Variants in LAMA1 observed in about 807,000 individuals in gnomAD.
LAMA1 encodes laminin subunit alpha-1.
In LAMA1, 219 loss-of-function variants were observed where a neutral mutation model predicts 348.7. That is an observed-to-expected ratio of 0.63 (90% confidence interval 0.56 to 0.70). The LOEUF is 0.70. Ranked by LOEUF, LAMA1 falls within the 30% of genes least tolerant of loss-of-function variation. The pLI is 0.00. For missense variants in LAMA1, 3,744 were observed against 3,888.0 expected, an observed-to-expected ratio of 0.96 and a Z score of 0.99; for synonymous variants, 1,487 against 1,491.0, an observed-to-expected ratio of 1.00 and a Z score of 0.06.
intron 22 of LAMA1, among the ~76,000 whole-genome samples, 183 bp from the exon 23 acceptor site, chr18:7,014,234 G>A (rs1250437209): frequency 3.3e-5 from 5 of 152,160 alleles, no homozygotes; most frequent in Non-Finnish European, 7.3e-5. Flanking sequence ...TTGTGTTGCC[G>A]GAAATCTGTG....
chr18:7,055,453 CAAAAAAAAAAA>C (rs57670126), intron 3 of LAMA1, among the ~76,000 whole-genome samples: 29 of 61,750 alleles, frequency 4.7e-4, no homozygotes, highest in African/African-American at 1.6e-3. Context: ...AACTCCGTCT[CAAAAAAAAAAA>C]AAAAAAAAAA....
chr18:7,054,264 A>T (rs1436499570), intron 3 of LAMA1, among the ~76,000 whole-genome samples: 1 of 152,152 alleles, frequency 6.6e-6, no homozygotes, highest in Non-Finnish European at 1.5e-5. Flanking sequence ...ATCATTTAAC[A>T]AGACATCCTT....
intron 34 of LAMA1, 23 bp downstream of exon 34, chr18:6,995,334 G>C (rs2057776367): frequency 1.3e-6 from 2 of 1,540,852 alleles, no homozygotes; most frequent in Non-Finnish European, 1.8e-6. Flanking sequence ...GAGGAAGGTT[G>C]GTTGGTTATG....
intron 3 of LAMA1, among the ~76,000 whole-genome samples, chr18:7,065,047 C>T (rs951688107): frequency 3.3e-5 from 5 of 151,780 alleles, no homozygotes; most frequent in African/African-American, 1.2e-4. Flanking sequence ...TCCTGGCTAA[C>T]AGGGTGAATC....
intron 1 of LAMA1, among the ~76,000 whole-genome samples, chr18:7,097,994 C>A (rs1323084636): frequency 6.7e-6 from 1 of 149,458 alleles, no homozygotes; most frequent in African/African-American, 2.4e-5. Context: ...CTAGTGCCTG[C>A]GATTGCAGGC....
At position 7,023,323 on chromosome 18, in the gene LAMA1, G is replaced by C. The variant is rs769605686; in HGVS notation, c.2542C>G (p.Pro848Ala). The C allele has an allele frequency of 6.2e-7, 1 of 1,614,188 alleles. No individual in the cohort carries two copies. Among genetic ancestry groups the C allele is most frequent in the South Asian group, 1.1e-5 (1 of 91,078 alleles). ...NPTVPGESCV[P>A]CDCSGNVDPS... ...TCCACGTTGCCGCTGCAGTCACAGG[G>C]AACACAAGATTCGCCAGGCACTGTT... The change falls in exon 19 of 63, where the codon CCC becomes GCC. Residue 848 changes from proline to alanine, a missense_variant. By Grantham distance (27) the Pro-to-Ala change is conservative (BLOSUM62 -1). Transcript: ENST00000389658.
intron 1 of LAMA1, among the ~76,000 whole-genome samples, chr18:7,089,935 T>C (rs2058233230): frequency 6.6e-6 from 1 of 152,122 alleles, no homozygotes; most frequent in South Asian, 2.1e-4. Context: ...ACAATACAAA[T>C]ATAGCCACGT....
chr18:6,950,163 C>T (rs1248319962), intron 58 of LAMA1, among the ~76,000 whole-genome samples: 2 of 152,234 alleles, frequency 1.3e-5, no homozygotes, highest in East Asian at 3.9e-4. Context: ...ACTTCGACCC[C>T]CTGTGATTTC....
intron 32 of LAMA1, among the ~76,000 whole-genome samples, chr18:6,998,813 G>A (rs1226473471): frequency 1.3e-5 from 2 of 152,140 alleles, no homozygotes; most frequent in Non-Finnish European, 1.5e-5. Flanking sequence ...CAGGCGGATT[G>A]CCTGAGGTCA....
intron 1 of LAMA1, among the ~76,000 whole-genome samples, chr18:7,089,052 G>T (rs2058229056): frequency 6.6e-6 from 1 of 152,008 alleles, no homozygotes; most frequent in Non-Finnish European, 1.5e-5. Context: ...CACAAGCTCT[G>T]CCAAAGGGAT....
intron 1 of LAMA1, among the ~76,000 whole-genome samples, chr18:7,095,931 G>A (rs1417885262): frequency 6.6e-6 from 1 of 152,230 alleles, no homozygotes; most frequent in East Asian, 1.9e-4. Flanking sequence ...CGCCAGGCGT[G>A]GTGGCAGGCG....
chr18:6,956,897 T>G (rs2057581596), intron 55 of LAMA1, 132 bp from the exon 56 acceptor site: 1 of 962,824 alleles, frequency 1.0e-6, no homozygotes, highest in Non-Finnish European at 1.6e-6. Context: ...GTAACCAAAG[T>G]GCCAATCCTT....
At chr18:6,997,127 G>C (rs921766028) in intron 33 of LAMA1, among the ~76,000 whole-genome samples, 3 of 150,852 alleles carry the variant, frequency 2.0e-5, no homozygotes, top group African/African-American at 7.3e-5. Context: ...GCAGTGGTGT[G>C]ATCTCGGCTC....
At chr18:7,012,551 G>T (rs1163978103) in intron 23 of LAMA1, among the ~76,000 whole-genome samples, 2 of 149,714 alleles carry the variant, frequency 1.3e-5, no homozygotes, top group Non-Finnish European at 3.0e-5. Context: ...TGTCACCCAG[G>T]CTGGAGTGCA....
At chr18:7,051,430 T>C (rs1386781975) in intron 3 of LAMA1, among the ~76,000 whole-genome samples, 1 of 152,204 alleles carries the variant, frequency 6.6e-6, no homozygotes, top group African/African-American at 2.4e-5. Flanking sequence ...TATACATTGG[T>C]TGCCAAAATC....
chr18:7,030,274 A>G (rs672744), intron 16 of LAMA1, among the ~76,000 whole-genome samples: 34,465 of 152,042 alleles, frequency 0.23, 4,419 homozygotes, highest in African/African-American at 0.34. Context: ...CCTAGTCATA[A>G]GAAAGCATCA....
intron 1 of LAMA1, among the ~76,000 whole-genome samples, chr18:7,114,916 A>G (rs1410927220): frequency 1.3e-5 from 2 of 152,226 alleles, no homozygotes; most frequent in African/African-American, 2.4e-5. Context: ...AAAGATCAGT[A>G]TATGTATTTA....
chr18:7,055,892 T>C (rs945481138), intron 3 of LAMA1, among the ~76,000 whole-genome samples: 1 of 151,516 alleles, frequency 6.6e-6, no homozygotes, highest in Non-Finnish European at 1.5e-5. Flanking sequence ...CCATCCTGGC[T>C]AACACAGTGA....
chr18:7,022,221 G>A (rs796261444), intron 19 of LAMA1, among the ~76,000 whole-genome samples: 34 of 152,204 alleles, frequency 2.2e-4, no homozygotes, highest in African/African-American at 7.9e-4. Context: ...GGAAATACCG[G>A]ACACTTAATA....
Sources: allele counts gnomAD v4.1 joint callset (sites outside exome capture counted in the v4.1 genomes callset), GRCh38; gene constraint gnomAD v4.1.1; transcripts MANE v1.5; gene names NCBI Gene and HGNC (gene_info 2026-07-23, HGNC 2026-07-21).